CACNA1B: variants seen among roughly 807,000 people sequenced by gnomAD.
CACNA1B encodes the protein voltage-dependent N-type calcium channel subunit alpha-1B.
CACNA1B carries 70 observed loss-of-function variants against 247.2 expected under a neutral mutation model. The ratio of observed to expected loss-of-function variants is 0.28; its 90% confidence interval spans 0.23 to 0.35. CACNA1B has a LOEUF of 0.35. Ranked by LOEUF, CACNA1B falls within the 10% of genes least tolerant of loss-of-function variation. The pLI is 1.00. For synonymous variants in CACNA1B, 1,231 were observed against 1,294.4 expected (o/e 0.95, Z 1.05); for missense variants, 2,367 against 3,197.4 (o/e 0.74, Z 6.26).
Position 138,073,953 on chromosome 9 carries a change from C to A in CACNA1B, c.4792-48C>A. On this transcript the variant is annotated intron_variant, in intron 33 of 46. Transcript: ENST00000371372. This position sits in a 1 kb window ranked among gnomAD's most constrained non-coding sequence, Gnocchi z 6.4. ...CAGCCACCGTAGCAGGAGGCCTGGG[C>A]GTGGTGGCTGGGAGGTGCCTGTAGC... 1 of 1,485,740 alleles carries A rather than the reference C, an allele frequency of 6.7e-7. No homozygotes were observed. Among genetic ancestry groups the A allele is most frequent in the Non-Finnish European group, 9.3e-7 (1 of 1,070,640 alleles). The allele number at this position is 1,485,740 out of a possible 1,614,324, so 92.0% of individuals were successfully genotyped here.
chr9:138,025,128 C>T lies in CACNA1B; in HGVS notation c.3242C>T (p.Pro1081Leu). ...PPDPNTIVHI[P>L]VMLTGPLGEA... The stretch of plus-strand genomic sequence containing the variant: ...GACCCGAACACTATTGTACATATCC[C>T]AGTGATGCTGACGGGCCCTCTTGGG... Residue 1081 changes from proline (P) to leucine (L), a missense_variant, in exon 20 of 47, where the codon CCA becomes CTA. Physicochemically the swap from Pro to Leu is moderately conservative, Grantham distance 98. This residue lies in a region of CACNA1B where 631 missense variants were observed against 631.1 expected (regional missense o/e 1.00). Coordinates refer to ENST00000371372, the MANE Select transcript of CACNA1B (RefSeq NM_000718.4). 6.2e-7 allele frequency: 1 copy of T among 1,613,280 alleles called. No homozygotes were observed. The highest frequency in any genetic ancestry group is 8.5e-7 in the Non-Finnish European group (1 of 1,179,614).
At chr9:138,106,275 C>G (rs1452316312) in intron 39 of CACNA1B, among the ~76,000 whole-genome samples, 1 of 152,190 alleles carries the variant, frequency 6.6e-6, no homozygotes, top group African/African-American at 2.4e-5. Flanking sequence ...CCACGTCCAC[C>G]TTCCCCACCA....
intron 20 of CACNA1B, among the ~76,000 whole-genome samples, chr9:138,029,545 C>T (rs1264183657): frequency 6.6e-6 from 1 of 151,480 alleles, no homozygotes; most frequent in East Asian, 1.9e-4. Context: ...AAAAATTTCC[C>T]TCTGTTTCAG....
At chr9:137,895,409 C>G (rs1159830911) in intron 3 of CACNA1B, among the ~76,000 whole-genome samples, 1 of 152,074 alleles carries the variant, frequency 6.6e-6, no homozygotes, top group Admixed American at 6.6e-5. Flanking sequence ...CAGTTTCAAG[C>G]CAGAATTATA....
chr9:138,001,445 T>G (rs1958576706), intron 15 of CACNA1B, among the ~76,000 whole-genome samples: 1 of 152,176 alleles, frequency 6.6e-6, no homozygotes, highest in Non-Finnish European at 1.5e-5. Flanking sequence ...ACACTTTAAA[T>G]GGGCGAATTA....
rs1958142798 is a variant in CACNA1B, at chr9:137,971,208, G to C, written c.1334-175G>C. Among the ~76,000 whole-genome samples, 2 of 152,146 alleles carry C rather than the reference G, an allele frequency of 1.3e-5. No homozygotes were observed. Among genetic ancestry groups the C allele is most frequent in the African/African-American group, 4.8e-5 (2 of 41,436 alleles). ...CACCCAGTAACCATGGAGATCATCA[G>C]GGCCTTGGTTCCCTCAGCTGTGAAG... On this transcript the variant is annotated intron_variant, in intron 10 of 46. Coordinates refer to ENST00000371372, the MANE Select transcript of CACNA1B (RefSeq NM_000718.4). The surrounding 1 kb of genome is among the most constrained non-coding windows in gnomAD (Gnocchi z 4.4).
intron 39 of CACNA1B, 90 bp downstream of exon 39, chr9:138,105,897 G>A: frequency 1.3e-6 from 1 of 741,004 alleles, no homozygotes; most frequent in Non-Finnish European, 2.3e-6. Flanking sequence ...ACGCAGGGAG[G>A]AGGGTGAGGG....
In CACNA1B at chr9:137,950,879, G is replaced by C. The variant is rs1387736672; in HGVS notation, c.967-1395G>C. Among the ~76,000 whole-genome samples, 3 of 152,168 alleles carry C rather than the reference G, an allele frequency of 2.0e-5. No individual in the cohort carries two copies. Among genetic ancestry groups the C allele is most frequent in the East Asian group, 1.9e-4 (1 of 5,196 alleles). On this transcript the variant is annotated intron_variant, in intron 6 of 46. Transcript: ENST00000371372. This position sits in a 1 kb window ranked among gnomAD's most constrained non-coding sequence, Gnocchi z 4.8. ...TCAGTATGTTAATTCCACCTAGTGGGAACAATATGGCAGAGTATGTCTGCT... is the reference window on the plus strand; with the variant it reads ...TCAGTATGTTAATTCCACCTAGTGGCAACAATATGGCAGAGTATGTCTGCT...
chr9:138,028,023 CTTTTT>C (rs541594878), intron 20 of CACNA1B, among the ~76,000 whole-genome samples: 1 of 98,746 alleles, frequency 1.0e-5, no homozygotes, highest in Non-Finnish European at 2.0e-5. Flanking sequence ...CCCCCCCAAC[CTTTTT>C]TTTTTTTTTT....
intron 35 of CACNA1B, among the ~76,000 whole-genome samples, chr9:138,076,364 G>C (rs1003261632): frequency 6.6e-6 from 1 of 152,234 alleles, no homozygotes; most frequent in African/African-American, 2.4e-5. Context: ...AGGGGGAACT[G>C]ACCAGCAGAG....
At position 137,908,655 on chromosome 9, in the gene CACNA1B, G is replaced by T. The variant is rs377400041; in HGVS notation, c.531-4525G>T. Among the ~76,000 whole-genome samples the T allele has an allele frequency of 4.5e-4, 68 of 152,086 alleles. 1 individual carries two copies. The highest frequency in any genetic ancestry group is 6.8e-3 in the Middle Eastern group (2 of 294). ...TTATTATTATTATTTTTTTGAGAGG[G>T]AGTCTTGCTCTGTCGCCCAGGCTTG... is the stretch of plus-strand genomic sequence containing the variant. On this transcript the variant is annotated intron_variant, in intron 3 of 46. Transcript: ENST00000371372.
intron 6 of CACNA1B, among the ~76,000 whole-genome samples, chr9:137,946,141 AG>A (rs376611498): frequency 6.6e-6 from 1 of 152,140 alleles, no homozygotes; most frequent in African/African-American, 2.4e-5. Flanking sequence ...TTAAAACAAC[AG>A]TCATTTTACT....
Position 138,120,657 on chromosome 9 carries a change from C to G in CACNA1B, c.6265C>G (p.Leu2089Val). 1 of 1,505,964 alleles carries G rather than the reference C, an allele frequency of 6.6e-7. No homozygotes were observed. The highest frequency in any genetic ancestry group is 1.3e-5 in the South Asian group (1 of 76,642). The allele number at this position is 1,505,964 out of a possible 1,614,324, so 93.3% of individuals were successfully genotyped here. A position where few individuals can be genotyped will look rare whatever the true frequency, so the allele number is the denominator to read the frequency against. Residue 2089 changes from leucine to valine, a missense_variant, in exon 46 of 47, where the codon CTG becomes GTG. Leu to Val is a conservative substitution (Grantham distance 32). Around this residue, in one of 12 missense-constraint regions of CACNA1B, gnomAD observed 773 missense variants for 779.4 expected, o/e 0.99. Coordinates refer to ENST00000371372, the MANE Select transcript of CACNA1B (RefSeq NM_000718.4). The stretch of plus-strand genomic sequence containing the variant: ...ACCAAGCAGTGCTGTGGGGCCGGGG[C>G]TGCCCCCGGGAGAGGGGCCTACAGG... Reference protein sequence around the residue: ...GAPSSAVGPGLPPGEGPTGCR... With the variant: ...GAPSSAVGPGVPPGEGPTGCR...
intron 3 of CACNA1B, among the ~76,000 whole-genome samples, chr9:137,901,252 G>A (rs1181564560): frequency 6.7e-6 from 1 of 149,580 alleles, no homozygotes; most frequent in African/African-American, 2.5e-5. Flanking sequence ...GTGTGTCTCT[G>A]TGTTCCTGTG....
chr9:138,117,935 C>T lies in CACNA1B; in HGVS notation c.5778-11C>T. On this transcript the variant is annotated splice_polypyrimidine_tract_variant and intron_variant, in intron 42 of 46. Transcript: ENST00000371372. ...GACCCTACAGGAATCTGTTTGTCTT[C>T]TCTGCCACAGACAAAACCAAGAGAG... 1 of 1,560,448 alleles carries T rather than the reference C, an allele frequency of 6.4e-7. No individual in the cohort carries two copies. The highest frequency in any genetic ancestry group is 8.7e-7 in the Non-Finnish European group (1 of 1,146,832).
At chr9:138,118,926 G>A (rs1188659387) in intron 44 of CACNA1B, among the ~76,000 whole-genome samples, 158 bp downstream of exon 44, 1 of 152,088 alleles carries the variant, frequency 6.6e-6, no homozygotes, top group African/African-American at 2.4e-5. Context: ...GGCACCCCGG[G>A]CAGTCCTGTC....
intron 39 of CACNA1B, among the ~76,000 whole-genome samples, chr9:138,109,672 T>C (rs1254435720): frequency 1.3e-5 from 2 of 152,128 alleles, no homozygotes; most frequent in Non-Finnish European, 2.9e-5. Flanking sequence ...TGGACTGGAG[T>C]TGGGGACAGC....
At chr9:137,886,850 G>C (rs1957022114) in intron 3 of CACNA1B, among the ~76,000 whole-genome samples, 1 of 152,200 alleles carries the variant, frequency 6.6e-6, no homozygotes, top group Non-Finnish European at 1.5e-5. Flanking sequence ...AAGCATGCAG[G>C]GTGCAGGCCT....
chr9:137,884,534 CCTCT>C (rs1331741945), intron 3 of CACNA1B, among the ~76,000 whole-genome samples: 1 of 145,204 alleles, frequency 6.9e-6, no homozygotes, highest in East Asian at 2.0e-4. Flanking sequence ...GCTGTTTACC[CCTCT>C]CTCTCCCTGT....
Sources: allele counts gnomAD v4.1 joint callset (sites outside exome capture counted in the v4.1 genomes callset), GRCh38; gene constraint gnomAD v4.1.1; regional missense constraint gnomAD v4.1.1; non-coding constraint Gnocchi (gnomAD v3.1); transcripts MANE v1.5; gene names NCBI Gene and HGNC (gene_info 2026-07-23, HGNC 2026-07-21).